The following TRAP1 variants were observed in gnomAD, a reference collection of about 807,000 sequenced individuals.
The protein encoded by TRAP1 is heat shock protein 75 kDa, mitochondrial.
TRAP1 carries 102 observed loss-of-function variants against 89.1 expected under a neutral mutation model. That is an observed-to-expected ratio of 1.15 (90% CI 0.98 to 1.35). TRAP1 has a LOEUF of 1.35. TRAP1 is among the 40% of genes most tolerant of loss of function. The pLI, the probability that TRAP1 is intolerant of heterozygous loss-of-function variation, is 0.00. For missense variants in TRAP1, 1,256 were observed against 945.3 expected (o/e 1.33, Z -4.31); for synonymous variants, 508 against 388.0 (o/e 1.31, Z -3.64).
chr16:3,672,400 T>C (rs1331109163), intron 10 of TRAP1, among the ~76,000 whole-genome samples: 2 of 152,184 alleles, frequency 1.3e-5, no homozygotes, highest in East Asian at 3.8e-4. Flanking sequence ...GAAGTCTTTC[T>C]TAAACTATAA....
At chr16:3,706,001 CTTT>C (rs35811682) in intron 1 of TRAP1, among the ~76,000 whole-genome samples, 2 of 141,876 alleles carry the variant, frequency 1.4e-5, no homozygotes, top group Non-Finnish European at 1.5e-5. Context: ...CCCTTTTTTT[CTTT>C]TTTTTTTTTT....
chr16:3,674,649 G>T (rs553940720), intron 8 of TRAP1, 155 bp from the exon 9 acceptor site: 1 of 870,836 alleles, frequency 1.1e-6, no homozygotes, highest in Non-Finnish European at 1.7e-6. Context: ...CAGCCCCACC[G>T]CTGGGCTATG....
chr16:3,675,135 G>A (rs556388569), intron 8 of TRAP1, among the ~76,000 whole-genome samples, 189 bp downstream of exon 8: 3 of 152,160 alleles, frequency 2.0e-5, no homozygotes, highest in Admixed American at 1.3e-4. Context: ...CCGGCTGCCC[G>A]GTGCACAGGG....
intron 1 of TRAP1, among the ~76,000 whole-genome samples, chr16:3,716,142 C>T (rs12921710): frequency 0.091 from 13,838 of 152,204 alleles, 671 homozygotes; most frequent in East Asian, 0.19. Flanking sequence ...CGTGAGCCAC[C>T]GCGCCCGGCC....
chr16:3,688,913 G>T, intron 3 of TRAP1, 142 bp downstream of exon 3: 2 of 639,832 alleles, frequency 3.1e-6, no homozygotes, highest in Non-Finnish European at 5.1e-6. Flanking sequence ...CCTCTCACTG[G>T]TAGCTTAAGA....
intron 11 of TRAP1, among the ~76,000 whole-genome samples, chr16:3,666,328 C>G (rs1469730178): frequency 1.3e-5 from 2 of 151,538 alleles, no homozygotes; most frequent in African/African-American, 2.4e-5. Context: ...GGGCAGACAC[C>G]CCCTGGAGGC....
chr16:3,674,287 CAG>C, intron 9 of TRAP1, 50 bp downstream of exon 9: 9 of 1,600,878 alleles, frequency 5.6e-6, no homozygotes, highest in South Asian at 1.1e-5. Context: ...GCTGATGCCA[CAG>C]GGGACAACAG....
At chr16:3,706,545 A>T (rs2051449533) in intron 1 of TRAP1, among the ~76,000 whole-genome samples, 1 of 145,048 alleles carries the variant, frequency 6.9e-6, no homozygotes, top group South Asian at 2.2e-4. Flanking sequence ...ATGTAGCCTC[A>T]AACTCCTGGG....
At chr16:3,673,867 G>A (rs940229494) in intron 9 of TRAP1, among the ~76,000 whole-genome samples, 8 of 69,670 alleles carry the variant, frequency 1.1e-4, no homozygotes, top group South Asian at 6.4e-4. Flanking sequence ...AGAGGCCAAC[G>A]GAGAGGCAAG....
rs1567230873 is a variant in TRAP1, at chr16:3,675,400, G to A, written c.815-3C>T. ...GTTGCTGTACTTCGTTACCACATCT[G>A]GAAGGGACAAAAGAAAAACCACACT... On this transcript the variant is annotated splice_region_variant and splice_polypyrimidine_tract_variant and intron_variant, in intron 7 of 17. Coordinates refer to ENST00000246957, the MANE Select transcript of TRAP1 (RefSeq NM_016292.3). The A allele has an allele frequency of 3.7e-6, 6 of 1,613,870 alleles. No homozygotes were observed. The highest frequency in any genetic ancestry group is 2.2e-5 in the South Asian group (2 of 91,066).
intron 14 of TRAP1, 157 bp downstream of exon 14, chr16:3,663,267 T>C: frequency 1.0e-6 from 1 of 963,216 alleles, no homozygotes. Flanking sequence ...AGGAGGCACC[T>C]TCCTCCAGTC....
chr16:3,671,888 C>CA, intron 10 of TRAP1, 97 bp from the exon 11 acceptor site: 1 of 1,287,194 alleles, frequency 7.8e-7, no homozygotes, highest in South Asian at 1.2e-5. Context: ...GCCTGGCCTT[C>CA]AACCCAGCAC....
Position 3,690,936 on chromosome 16 carries a change from C to CCTGGGGCCCAA in TRAP1, c.127_137dup (p.Arg46SerfsTer75), listed in dbSNP as rs778597086. On this transcript the variant is annotated frameshift_variant, in exon 2 of 18. Coordinates refer to ENST00000246957, the MANE Select transcript of TRAP1 (RefSeq NM_016292.3). LOFTEE classifies it high-confidence loss of function. ...CCTGCAAGCTCCAGGCTGGGTTTCGCCTGGGGCCCAACTGGGCTGTGGTCC... is the reference window on the plus strand; with the variant it reads ...CCTGCAAGCTCCAGGCTGGGTTTCGCCTGGGGCCCAACTGGGGCCCAACTGGGCTGTGGTCC... The CCTGGGGCCCAA allele has an allele frequency of 5.7e-6, 9 of 1,587,518 alleles. No individual in the cohort carries two copies. Among genetic ancestry groups the CCTGGGGCCCAA allele is most frequent in the Middle Eastern group, 1.7e-4 (1 of 5,992 alleles).
chr16:3,676,353 C>G (rs1238942742), intron 6 of TRAP1: 1 of 287,694 alleles, frequency 3.5e-6, no homozygotes, highest in Non-Finnish European at 6.2e-6. Flanking sequence ...GCAGAGTTCT[C>G]CTGGTTCCCT....
At chr16:3,699,712 G>T (rs937817188) in intron 1 of TRAP1, among the ~76,000 whole-genome samples, 3 of 151,830 alleles carry the variant, frequency 2.0e-5, no homozygotes, top group African/African-American at 4.8e-5. Flanking sequence ...CTGTCACCCA[G>T]GCTGGAGTGC....
chr16:3,671,528 C>G (rs1205666505), intron 11 of TRAP1, among the ~76,000 whole-genome samples, 194 bp downstream of exon 11: 1 of 152,214 alleles, frequency 6.6e-6, no homozygotes, highest in Non-Finnish European at 1.5e-5. Context: ...CCACCCCCAC[C>G]TTCTTCTGGA....
intron 11 of TRAP1, among the ~76,000 whole-genome samples, chr16:3,670,382 CAAAAAAAAAAAAAAAAAAAAA>C (rs760902038): frequency 1.8e-4 from 4 of 22,826 alleles, no homozygotes; most frequent in African/African-American, 4.9e-4. Context: ...GACTCCGTCT[CAAAAAAAAAAAAAAAAAAAAA>C]AAAAAAAATC....
At chr16:3,681,817 C>A (rs1353814558) in intron 4 of TRAP1, among the ~76,000 whole-genome samples, 1 of 152,138 alleles carries the variant, frequency 6.6e-6, no homozygotes, top group African/African-American at 2.4e-5. Context: ...GCACTGCAAT[C>A]CCAGTCTAAA....
chr16:3,691,103 G>T, intron 1 of TRAP1, 118 bp from the exon 2 acceptor site: 1 of 1,002,026 alleles, frequency 1.0e-6, no homozygotes, highest in Non-Finnish European at 1.3e-6. Flanking sequence ...AAGTCGGGCT[G>T]TTGCTGAAAG....
Sources: gnomAD v4.1 joint callset for allele counts (sites outside exome capture counted in the v4.1 genomes callset) on GRCh38, gnomAD v4.1.1 for gene constraint, MANE v1.5 for transcripts, NCBI Gene and HGNC (gene_info 2026-07-23, HGNC 2026-07-21) for gene names.